APOL6: variants seen among roughly 807,000 people sequenced by gnomAD.
The protein encoded by APOL6 is apolipoprotein L6.
Under a neutral mutation model 2.4 loss-of-function variants are expected in APOL6, and 1 was observed. That is an observed-to-expected ratio of 0.41 (90% confidence interval 0.15 to 1.94). The LOEUF (loss-of-function observed/expected upper bound fraction) is 1.94. Ranked by LOEUF, APOL6 falls within the 30% of genes most tolerant of loss-of-function variation. APOL6 has a pLI of 0.30. For missense variants in APOL6, 438 were observed against 429.2 expected (o/e 1.02, Z -0.18); for synonymous variants, 189 against 169.3 (o/e 1.12, Z -0.90).
chr22:35,654,240 A>G (rs529673898), intron 1 of APOL6, among the ~76,000 whole-genome samples: 3 of 152,204 alleles, frequency 2.0e-5, no homozygotes, highest in Admixed American at 6.5e-5. Flanking sequence ...TAAAGAAACT[A>G]TGGGCCATTT....
At position 35,665,109 on chromosome 22, in the gene APOL6, T is replaced by TATAC. The variant is rs1555924437; in HGVS notation, c.*5514_*5515insTACA. On this transcript the variant is annotated 3_prime_UTR_variant, in exon 3 of 3. Coordinates refer to ENST00000409652, the MANE Select transcript of APOL6 (RefSeq NM_030641.4). ...CATGATAAGATTTTATATATATATA[T>TATAC]ACACACACACACACACACCCCAAAA... 1.0e-4 allele frequency: 15 copies of TATAC among 150,230 alleles called. No homozygotes were observed. Among genetic ancestry groups the TATAC allele is most frequent in the African/African-American group, 3.4e-4 (14 of 40,956 alleles). 9.3% of individuals were successfully genotyped at this position (150,230 alleles called of 1,614,324 possible). A position where few individuals can be genotyped will look rare whatever the true frequency, so the allele number is the denominator to read the frequency against.
chr22:35,659,771 G>A lies in APOL6; in HGVS notation c.*175G>A. 1.8e-6 allele frequency: 2 copies of A among 1,104,620 alleles called. No individual in the cohort carries two copies. The highest frequency in any genetic ancestry group is 2.5e-6 in the Non-Finnish European group (2 of 796,928). 68.4% of individuals were successfully genotyped at this position (1,104,620 alleles called of 1,614,324 possible). A position where few individuals can be genotyped will look rare whatever the true frequency, so the allele number is the denominator to read the frequency against. The stretch of plus-strand genomic sequence containing the variant: ...GTCTTCCCTGTTTGTTTGTTTGTTT[G>A]TTTGTTTGTTTGTTTTGAGACAGGG... On this transcript the variant is annotated 3_prime_UTR_variant, in exon 3 of 3. Transcript: ENST00000409652.
At chr22:35,658,359 TC>T (rs1037618742) in intron 2 of APOL6, among the ~76,000 whole-genome samples, 88 of 152,336 alleles carry the variant, frequency 5.8e-4, no homozygotes, top group African/African-American at 2.0e-3. Context: ...TAATTTTCCT[TC>T]CCCATTCCTT....
chr22:35,656,902 C>A (rs1924860594), intron 2 of APOL6, among the ~76,000 whole-genome samples: 2 of 152,332 alleles, frequency 1.3e-5, no homozygotes, highest in South Asian at 2.1e-4. Context: ...GCCCCCTGCA[C>A]AATGTGTGCA....
rs890585740 is a variant in APOL6, at chr22:35,664,814, A to G, written c.*5218A>G. The stretch of plus-strand genomic sequence containing the variant: ...AAAAAGTGTGTCCTTTTTTAAAAAA[A>G]TGGTGAACAAGTTTTGTCTAATTCA... On this transcript the variant is annotated 3_prime_UTR_variant, in exon 3 of 3. Transcript: ENST00000409652. 2 of 152,018 alleles carry G rather than the reference A, an allele frequency of 1.3e-5. No homozygotes were observed. Among genetic ancestry groups the G allele is most frequent in the Non-Finnish European group, 2.9e-5 (2 of 67,984 alleles). The allele number at this position is 152,018 out of a possible 1,614,324, so 9.4% of individuals were successfully genotyped here. A position where few individuals can be genotyped will look rare whatever the true frequency, so the allele number is the denominator to read the frequency against.
At position 35,659,449 on chromosome 22, in the gene APOL6, A is replaced by G; in HGVS notation, c.885A>G (p.Lys295=). 1 of 1,613,716 alleles carries G rather than the reference A, an allele frequency of 6.2e-7. No homozygotes were observed. The highest frequency in any genetic ancestry group is 1.3e-5 in the African/African-American group (1 of 74,966). ...AGCTCTACAAGAGCTTGCAGCAGAA[A>G]GTGAGGTCAAGGGCCAGAGGGGTGG... ...LTQLYKSLQQ[K]VRSRARGVGK... is the part of the protein sequence containing the mutation. The change falls in exon 3 of 3, where the codon AAA becomes AAG. Residue 295 remains lysine (K), a synonymous_variant. Coordinates refer to ENST00000409652, the MANE Select transcript of APOL6 (RefSeq NM_030641.4).
Position 35,660,688 on chromosome 22 carries a change from C to T in APOL6, c.*1092C>T, listed in dbSNP as rs183250732. 1 of 152,786 alleles carries T rather than the reference C, an allele frequency of 6.5e-6. No homozygotes were observed. Among genetic ancestry groups the T allele is most frequent in the East Asian group, 1.9e-4 (1 of 5,186 alleles). The allele number at this position is 152,786 out of a possible 1,614,324, so 9.5% of individuals were successfully genotyped here. ...CAGCAGATTCCACATCTCGTGAAGG[C>T]TCACTCTCTGCTTCACAGATGGCAC... On this transcript the variant is annotated 3_prime_UTR_variant, in exon 3 of 3. Coordinates refer to ENST00000409652, the MANE Select transcript of APOL6 (RefSeq NM_030641.4).
rs899538924 is a variant in APOL6 at position 35,664,331 on chromosome 22, G to C, written c.*4735G>C. ...TGAAAACAGCTGCATCTTGAATTTAGTAAGATTACCATAACTTCTAATCCT... is the reference window on the plus strand; with the variant it reads ...TGAAAACAGCTGCATCTTGAATTTACTAAGATTACCATAACTTCTAATCCT... On this transcript the variant is annotated 3_prime_UTR_variant, in exon 3 of 3. Coordinates refer to ENST00000409652, the MANE Select transcript of APOL6 (RefSeq NM_030641.4). The C allele has an allele frequency of 4.6e-5, 7 of 152,192 alleles. No individual in the cohort carries two copies. Among genetic ancestry groups the C allele is most frequent in the Non-Finnish European group, 1.5e-5 (1 of 68,040 alleles). The allele number at this position is 152,192 out of a possible 1,614,324, so 9.4% of individuals were successfully genotyped here.
At position 35,662,769 on chromosome 22, in the gene APOL6, G is replaced by A. The variant is rs1364766966; in HGVS notation, c.*3173G>A. The stretch of plus-strand genomic sequence containing the variant: ...TTTGGAAACCATGAATGGATTCTGG[G>A]TGGAGATGCCCCTGACCCTTGACAA... On this transcript the variant is annotated 3_prime_UTR_variant, in exon 3 of 3. Transcript: ENST00000409652. 1 of 152,208 alleles carries A rather than the reference G, an allele frequency of 6.6e-6. No individual in the cohort carries two copies. Among genetic ancestry groups the A allele is most frequent in the Non-Finnish European group, 1.5e-5 (1 of 68,058 alleles). The allele number at this position is 152,208 out of a possible 1,614,324, so 9.4% of individuals were successfully genotyped here.
In APOL6 at chr22:35,659,256, A is replaced by G. The variant is rs1204211172; in HGVS notation, c.692A>G (p.Lys231Arg). Reference protein sequence around the residue: ...AFAGTTLAMTKNARVLGGVMS... With the variant: ...AFAGTTLAMTRNARVLGGVMS... ...GCGGGAACAACACTGGCGATGACCA[A>G]AAATGCTCGCGTGCTGGGAGGTGTG... Residue 231 changes from lysine (K) to arginine (R), a missense_variant, in exon 3 of 3, where the codon AAA (lysine) becomes AGA (arginine). Lys to Arg is a conservative substitution (Grantham distance 26). Coordinates refer to ENST00000409652, the MANE Select transcript of APOL6 (RefSeq NM_030641.4). 6.2e-7 allele frequency: 1 copy of G among 1,614,206 alleles called. No individual in the cohort carries two copies. Among genetic ancestry groups the G allele is most frequent in the Admixed American group, 1.7e-5 (1 of 60,034 alleles).
rs949860991 is a variant in APOL6, at chr22:35,663,994, G to C, written c.*4398G>C. ...CTACTTGGCTTAAAGAAAAATAAAA[G>C]TGCTTAAATCAGATACTAAAAAAGA... On this transcript the variant is annotated 3_prime_UTR_variant, in exon 3 of 3. Coordinates refer to ENST00000409652, the MANE Select transcript of APOL6 (RefSeq NM_030641.4). 1.3e-5 allele frequency: 2 copies of C among 152,080 alleles called. No homozygotes were observed. Among genetic ancestry groups the C allele is most frequent in the Non-Finnish European group, 2.9e-5 (2 of 67,998 alleles). 9.4% of individuals were successfully genotyped at this position (152,080 alleles called of 1,614,324 possible).
In APOL6 at chr22:35,658,958, C is replaced by T. The variant is rs151167916; in HGVS notation, c.394C>T (p.Arg132Cys). 459 of 1,613,824 alleles carry T rather than the reference C, an allele frequency of 2.8e-4. 1 individual carries two copies. Among genetic ancestry groups the T allele is most frequent in the African/African-American group, 2.1e-3 (160 of 74,976 alleles). ...VTSIVSGTLE[R>C]SKNKEAQARA... ...CAGCATCGTGAGTGGTACGTTGGAA[C>T]GCTCCAAAAATAAAGAAGCCCAAGC... Residue 132 changes from arginine to cysteine, a missense_variant, in exon 3 of 3, where the codon CGC (arginine) becomes TGC (cysteine). Physicochemically the swap from Arg to Cys is radical, Grantham distance 180. Transcript: ENST00000409652.
In APOL6 at chr22:35,667,331, A is replaced by G. The variant is rs1224720240; in HGVS notation, c.*7735A>G. ...TTATCTGAGATTCCTCCTGTGGAACAAAGTTAATTGGTTCCAGAGATTCAA... is the reference window on the plus strand; with the variant it reads ...TTATCTGAGATTCCTCCTGTGGAACGAAGTTAATTGGTTCCAGAGATTCAA... On this transcript the variant is annotated 3_prime_UTR_variant, in exon 3 of 3. Coordinates refer to ENST00000409652, the MANE Select transcript of APOL6 (RefSeq NM_030641.4). The G allele has an allele frequency of 6.6e-6, 1 of 152,238 alleles. No individual in the cohort carries two copies. Among genetic ancestry groups the G allele is most frequent in the Admixed American group, 6.5e-5 (1 of 15,280 alleles). The allele number at this position is 152,238 out of a possible 1,614,324, so 9.4% of individuals were successfully genotyped here.
At chr22:35,658,531 TGA>T in intron 2 of APOL6, 82 bp from the exon 3 acceptor site, 1 of 1,240,602 alleles carries the variant, frequency 8.1e-7, no homozygotes, top group Non-Finnish European at 1.1e-6. Flanking sequence ...GATTCGAAGC[TGA>T]GAGTGGCAAG....
At chr22:35,657,182 C>G (rs978065597) in intron 2 of APOL6, among the ~76,000 whole-genome samples, 3 of 152,156 alleles carry the variant, frequency 2.0e-5, no homozygotes, top group Non-Finnish European at 4.4e-5. Context: ...TTTGCTGTTT[C>G]TTTTTGTCTA....
intron 2 of APOL6, among the ~76,000 whole-genome samples, chr22:35,657,996 A>G (rs949868039): frequency 2.6e-5 from 4 of 152,298 alleles, no homozygotes; most frequent in South Asian, 4.1e-4. Context: ...AGTAAAGCTG[A>G]CCAAGAGCAA....
rs537387869 is a variant in APOL6 at position 35,656,475 on chromosome 22, G to A, written c.50G>A (p.Arg17Lys). The A allele has an allele frequency of 6.2e-7, 1 of 1,614,048 alleles. No homozygotes were observed. Among genetic ancestry groups the A allele is most frequent in the Non-Finnish European group, 8.5e-7 (1 of 1,179,956 alleles). ...RESEAGVGLQ[R>K]DEDDAPLCED... Reference sequence around the variant, plus strand: ...AGTGAGGCTGGTGTTGGTTTGCAAAGGTAATCCAAAGGGTGTAGTCCCCAG... The same window carrying A: ...AGTGAGGCTGGTGTTGGTTTGCAAAAGTAATCCAAAGGGTGTAGTCCCCAG... The change falls in exon 2 of 3, where the codon AGG becomes AAG. Residue 17 changes from arginine to lysine, a missense_variant and splice_region_variant. Arg to Lys is a conservative substitution (Grantham distance 26). Coordinates refer to ENST00000409652, the MANE Select transcript of APOL6 (RefSeq NM_030641.4).
In APOL6 at chr22:35,666,142, T is replaced by C. The variant is rs566926539; in HGVS notation, c.*6546T>C. 25 of 152,330 alleles carry C rather than the reference T, an allele frequency of 1.6e-4. No homozygotes were observed. Among genetic ancestry groups the C allele is most frequent in the African/African-American group, 6.0e-4 (25 of 41,574 alleles). 9.4% of individuals were successfully genotyped at this position (152,330 alleles called of 1,614,324 possible). On this transcript the variant is annotated 3_prime_UTR_variant, in exon 3 of 3. Transcript: ENST00000409652. ...TGTACATTATCAGTAATAATCATAA[T>C]TGTTATATTAAAATTATTGTGTGCC...
intron 1 of APOL6, among the ~76,000 whole-genome samples, chr22:35,650,886 T>A (rs1211000939): frequency 6.6e-6 from 1 of 151,324 alleles, no homozygotes; most frequent in Non-Finnish European, 1.5e-5. Flanking sequence ...GCCAAGATCA[T>A]GCCATTGTAC....
Sources: gnomAD v4.1 joint callset for allele counts (sites outside exome capture counted in the v4.1 genomes callset) on GRCh38, gnomAD v4.1.1 for gene constraint, MANE v1.5 for transcripts, NCBI Gene and HGNC (gene_info 2026-07-23, HGNC 2026-07-21) for gene names.